Variants in FAM107B observed in about 807,000 individuals in gnomAD.
FAM107B encodes the protein family with sequence similarity 107 member B, also known as protein FAM107B.
Under a neutral mutation model 31.5 loss-of-function variants are expected in FAM107B, and 21 were observed. The ratio of observed to expected loss-of-function variants is 0.67; its 90% CI spans 0.47 to 0.96. FAM107B has a LOEUF of 0.96. FAM107B is among the 40% of genes least tolerant of loss of function. The pLI is 0.00. For synonymous variants in FAM107B, 157 were observed against 141.5 expected, an observed-to-expected ratio of 1.11 and a Z score of -0.78; for missense variants, 452 against 377.1, an observed-to-expected ratio of 1.20 and a Z score of -1.64.
intron 2 of FAM107B, among the ~76,000 whole-genome samples, chr10:14,618,125 C>G (rs1464868987): frequency 6.6e-6 from 1 of 152,188 alleles, no homozygotes; most frequent in Non-Finnish European, 1.5e-5. Flanking sequence ...CTCCATAGTT[C>G]TCCCTTTTCC....
intron 1 of FAM107B, among the ~76,000 whole-genome samples, chr10:14,761,011 CAAAAAAAAAAAAAA>C (rs565835423): frequency 3.9e-5 from 3 of 77,626 alleles, no homozygotes; most frequent in South Asian, 1.0e-3. Context: ...GACTCCGTTT[CAAAAAAAAAAAAAA>C]AAAAAAAAAA....
At chr10:14,570,211 T>C (rs1175938816) in intron 2 of FAM107B, among the ~76,000 whole-genome samples, 3 of 149,740 alleles carry the variant, frequency 2.0e-5, no homozygotes, top group African/African-American at 7.3e-5. Flanking sequence ...ATTGAAAACG[T>C]ACCTACCAAA....
Position 14,714,925 on chromosome 10 carries a change from G to C in FAM107B, c.412-47234C>G, listed in dbSNP as rs552690033. 1.8e-4 allele frequency among the ~76,000 whole-genome samples: 27 copies of C among 152,214 alleles called. No homozygotes were observed. The South Asian group carries it at 5.4e-3, about 30-fold the overall frequency. On this transcript the variant is annotated intron_variant, in intron 1 of 4. Coordinates refer to ENST00000181796, the MANE Select transcript of FAM107B (RefSeq NM_031453.4). ...GGTTTATCCTCAAGGCAGGAGACTAGAGGACTCTTCTTCACAGACCAGCAA... is the reference window on the plus strand; with the variant it reads ...GGTTTATCCTCAAGGCAGGAGACTACAGGACTCTTCTTCACAGACCAGCAA...
rs373468437 is a variant in FAM107B at position 14,604,604 on chromosome 10, G to C, written c.469+63030C>G. The stretch of plus-strand genomic sequence containing the variant: ...CCGGGGCTGCAGCGCTCGGCCTCCG[G>C]GACTCGGTGGGAGCGAGGGCTGGAG... On this transcript the variant is annotated intron_variant, in intron 2 of 4. Coordinates refer to ENST00000181796, the MANE Select transcript of FAM107B (RefSeq NM_031453.4). Among the ~76,000 whole-genome samples, 22 of 152,018 alleles carry C rather than the reference G, an allele frequency of 1.4e-4. 1 individual carries two copies. The East Asian group carries it at 3.9e-3, about 27-fold the overall frequency.
chr10:14,535,571 T>A (rs1378254732), intron 2 of FAM107B, among the ~76,000 whole-genome samples: 1 of 151,420 alleles, frequency 6.6e-6, no homozygotes, highest in Admixed American at 6.6e-5. Flanking sequence ...GCAACTAACA[T>A]AAGAAGCTTC....
intron 1 of FAM107B, among the ~76,000 whole-genome samples, chr10:14,758,644 C>T (rs970107757): frequency 3.3e-5 from 5 of 152,042 alleles, no homozygotes; most frequent in East Asian, 3.8e-4. Context: ...GATGCCCAGC[C>T]GGGCTCCCCG....
At chr10:14,662,378 CT>C (rs3035295) in intron 2 of FAM107B, among the ~76,000 whole-genome samples, 30 of 139,634 alleles carry the variant, frequency 2.1e-4, no homozygotes, top group Admixed American at 2.9e-4. Flanking sequence ...TCTGACCTGT[CT>C]TTTTTTTTTT....
intron 2 of FAM107B, among the ~76,000 whole-genome samples, chr10:14,609,622 G>C (rs897560423): frequency 6.6e-6 from 1 of 152,158 alleles, no homozygotes; most frequent in Admixed American, 6.5e-5. Flanking sequence ...CATGTGATTA[G>C]GTCAGGCACA....
At chr10:14,682,215 T>A (rs74475781) in intron 1 of FAM107B, among the ~76,000 whole-genome samples, 4,307 of 152,190 alleles carry the variant, frequency 0.028, 101 homozygotes, top group South Asian at 0.055. Flanking sequence ...ACACAAATGT[T>A]TAGGATGAAC....
intron 2 of FAM107B, among the ~76,000 whole-genome samples, chr10:14,544,851 G>C (rs1368078988): frequency 1.3e-5 from 2 of 152,098 alleles, no homozygotes; most frequent in Non-Finnish European, 2.9e-5. Context: ...CACTAAATAG[G>C]AGAAAAACAT....
chr10:14,751,127 G>A (rs2131582115), intron 1 of FAM107B, among the ~76,000 whole-genome samples: 1 of 152,338 alleles, frequency 6.6e-6, no homozygotes, highest in Non-Finnish European at 1.5e-5. Context: ...CTGGGCAGAT[G>A]GGCTCTGCAC....
rs1057500970 is a variant in FAM107B, at chr10:14,693,273, C to T, written c.412-25582G>A. Among the ~76,000 whole-genome samples the T allele has an allele frequency of 2.6e-5, 4 of 152,150 alleles. No homozygotes were observed. The South Asian group carries it at 8.3e-4, about 32-fold the overall frequency. On this transcript the variant is annotated intron_variant, in intron 1 of 4. Coordinates refer to ENST00000181796, the MANE Select transcript of FAM107B (RefSeq NM_031453.4). Reference sequence around the variant, plus strand: ...GGTGGATCTCCTGAGGTCAGGAGTTCGAGACCAGCCTGGCCAACATGGGGA... The same window carrying T: ...GGTGGATCTCCTGAGGTCAGGAGTTTGAGACCAGCCTGGCCAACATGGGGA...
At chr10:14,729,594 C>G (rs930575509) in intron 1 of FAM107B, among the ~76,000 whole-genome samples, 14 of 152,218 alleles carry the variant, frequency 9.2e-5, no homozygotes, top group African/African-American at 2.9e-4. Context: ...ACTGTAGACC[C>G]GTGGTTCACA....
rs1235420842 is a variant in FAM107B at position 14,674,682 on chromosome 10, G to GTTTACAAA, written c.412-6992_412-6991insTTTGTAAA. Among the ~76,000 whole-genome samples the GTTTACAAA allele has an allele frequency of 6.6e-5, 10 of 152,334 alleles. No individual in the cohort carries two copies. The East Asian group carries it at 1.9e-3, about 29-fold the overall frequency. On this transcript the variant is annotated intron_variant, in intron 1 of 4. Coordinates refer to ENST00000181796, the MANE Select transcript of FAM107B (RefSeq NM_031453.4). ...TAATTAGAAGCCAGGCCACCAGGTA[G>GTTTACAAA]CAGCTACAGGTATGTTTTGTAAACT...
intron 2 of FAM107B, among the ~76,000 whole-genome samples, chr10:14,539,621 G>C (rs1218659989): frequency 6.6e-6 from 1 of 152,126 alleles, no homozygotes. Flanking sequence ...TAGGGTGTGA[G>C]AACAAGAAGT....
At chr10:14,582,930 A>G (rs1851692106) in intron 2 of FAM107B, among the ~76,000 whole-genome samples, 1 of 151,948 alleles carries the variant, frequency 6.6e-6, no homozygotes, top group African/African-American at 2.4e-5. Context: ...TACTAAAAAT[A>G]CAAAAATTAG....
intron 3 of FAM107B, among the ~76,000 whole-genome samples, chr10:14,529,048 TTGAG>T (rs1846646100): frequency 6.6e-6 from 1 of 152,180 alleles, no homozygotes; most frequent in South Asian, 2.1e-4. Context: ...CTGAAAATCT[TTGAG>T]TGACAACTGC....
At chr10:14,611,511 T>G (rs1852725828) in intron 2 of FAM107B, among the ~76,000 whole-genome samples, 1 of 122,996 alleles carries the variant, frequency 8.1e-6, no homozygotes, top group Non-Finnish European at 1.7e-5. Flanking sequence ...TATATATATA[T>G]ATATATATAT....
At chr10:14,734,377 C>T (rs978564540) in intron 1 of FAM107B, among the ~76,000 whole-genome samples, 3 of 152,106 alleles carry the variant, frequency 2.0e-5, no homozygotes, top group African/African-American at 7.2e-5. Flanking sequence ...TTTACTAAAT[C>T]AAGCTTGTCC....
Sources: allele counts gnomAD v4.1 joint callset (sites outside exome capture counted in the v4.1 genomes callset), GRCh38; gene constraint gnomAD v4.1.1; transcripts MANE v1.5; gene names NCBI Gene and HGNC (gene_info 2026-07-23, HGNC 2026-07-21).